HNF4G: variants seen among roughly 807,000 people sequenced by gnomAD.
HNF4G encodes the protein hepatocyte nuclear factor 4-gamma.
HNF4G carries 21 observed loss-of-function variants against 50.9 expected under a neutral mutation model. The ratio of observed to expected loss-of-function variants is 0.41; its 90% CI spans 0.29 to 0.59. The LOEUF (loss-of-function observed/expected upper bound fraction) is 0.59. Among genes scored for constraint, HNF4G ranks in the 20% least tolerant of loss-of-function variants. The pLI is 0.26. For missense variants in HNF4G, 527 were observed against 559.4 expected (o/e 0.94, Z 0.58); for synonymous variants, 198 against 185.6 (o/e 1.07, Z -0.54).
Position 75,486,363 on chromosome 8 carries a change from C to A in HNF4G, c.-143-3726C>A, listed in dbSNP as rs139226837. On this transcript the variant is annotated intron_variant, in intron 1 of 10. Transcript: ENST00000354370. ...GCTTTCTGGTTGAACCTTAGCAGTA[C>A]CTTTTGTTATATTTTAATAACCAGA... 4.6e-5 allele frequency among the ~76,000 whole-genome samples: 7 copies of A among 152,244 alleles called. No individual in the cohort carries two copies. In the East Asian group the frequency reaches 1.4e-3, roughly 29 times the overall value.
intron 1 of HNF4G, among the ~76,000 whole-genome samples, chr8:75,436,202 T>C (rs1811132635): frequency 6.6e-6 from 1 of 152,196 alleles, no homozygotes; most frequent in South Asian, 2.1e-4. Flanking sequence ...ACACTGTTTT[T>C]AAAATGACAG....
intron 2 of HNF4G, among the ~76,000 whole-genome samples, chr8:75,499,954 A>C (rs2977949): frequency 0.12 from 18,433 of 152,134 alleles, 1,529 homozygotes; most frequent in African/African-American, 0.24. Flanking sequence ...AAACATATTC[A>C]TGAGCTTGTA....
chr8:75,494,394 A>G (rs915703496), intron 2 of HNF4G, among the ~76,000 whole-genome samples: 1 of 151,964 alleles, frequency 6.6e-6, no homozygotes, highest in Non-Finnish European at 1.5e-5. Context: ...CATGTGATAG[A>G]TACGTGAAAA....
intron 1 of HNF4G, among the ~76,000 whole-genome samples, chr8:75,463,760 G>C (rs1811905907): frequency 1.4e-5 from 2 of 140,862 alleles, no homozygotes; most frequent in African/African-American, 5.3e-5. Context: ...TATTCTTTTT[G>C]TGAATATGTT....
intron 1 of HNF4G, among the ~76,000 whole-genome samples, chr8:75,444,345 T>C (rs830787): frequency 2.7e-5 from 4 of 149,714 alleles, no homozygotes; most frequent in East Asian, 2.0e-4. Context: ...TAAAGACCAT[T>C]GAGACTAGGA....
chr8:75,500,601 G>A (rs1334883146), intron 2 of HNF4G, among the ~76,000 whole-genome samples: 1 of 152,096 alleles, frequency 6.6e-6, no homozygotes, highest in African/African-American at 2.4e-5. Context: ...AAACTGAATA[G>A]TGGAAATAAT....
rs955081062 is a variant in HNF4G at position 75,531,646 on chromosome 8, A to G, written c.-23-12165A>G. Among the ~76,000 whole-genome samples, 10 of 152,218 alleles carry G rather than the reference A, an allele frequency of 6.6e-5. No individual in the cohort carries two copies. The South Asian group carries it at 1.7e-3, about 25-fold the overall frequency. ...TTCATAATCACAGATTTCACCACAG[A>G]CTGAAGATATTTTCAAAAATAAATA... On this transcript the variant is annotated intron_variant, in intron 2 of 10. Transcript: ENST00000354370.
At chr8:75,525,236 C>T (rs1806146852) in intron 2 of HNF4G, among the ~76,000 whole-genome samples, 1 of 152,120 alleles carries the variant, frequency 6.6e-6, no homozygotes, top group African/African-American at 2.4e-5. Context: ...GTGGTGTGAT[C>T]TTGGCTTACT....
chr8:75,409,015 C>T (rs962096283), intron 1 of HNF4G, among the ~76,000 whole-genome samples: 2 of 152,138 alleles, frequency 1.3e-5, no homozygotes, highest in African/African-American at 4.8e-5. Context: ...CCTTAGGAGT[C>T]CTCCTGTCCC....
chr8:75,515,102 T>C (rs1805855919), intron 2 of HNF4G, among the ~76,000 whole-genome samples: 1 of 152,226 alleles, frequency 6.6e-6, no homozygotes, highest in African/African-American at 2.4e-5. Flanking sequence ...ATGTATTGCT[T>C]TGTTTACTAG....
chr8:75,507,386 G>A (rs1047781861), intron 2 of HNF4G, among the ~76,000 whole-genome samples: 23 of 151,112 alleles, frequency 1.5e-4, no homozygotes, highest in Non-Finnish European at 2.2e-4. Context: ...ACAGCCTCCC[G>A]AGTAGCTGGG....
intron 1 of HNF4G, among the ~76,000 whole-genome samples, chr8:75,453,900 T>G (rs1042627911): frequency 6.6e-6 from 1 of 152,088 alleles, no homozygotes; most frequent in Non-Finnish European, 1.5e-5. Context: ...CTTCCCAAAT[T>G]TATATGTTAA....
intron 2 of HNF4G, among the ~76,000 whole-genome samples, chr8:75,514,262 ATCTC>A (rs1367944282): frequency 6.9e-6 from 1 of 144,936 alleles, no homozygotes; most frequent in South Asian, 2.2e-4. Flanking sequence ...ATTGACATAA[ATCTC>A]TCTTCTGTTT....
intron 1 of HNF4G, among the ~76,000 whole-genome samples, chr8:75,412,504 C>T (rs1563496090): frequency 6.6e-6 from 1 of 152,080 alleles, no homozygotes. Context: ...TAAAGGATAA[C>T]AAAAAAATTG....
chr8:75,558,758 A>G, intron 7 of HNF4G, 43 bp from the exon 8 acceptor site: 1 of 1,581,908 alleles, frequency 6.3e-7, no homozygotes, highest in Non-Finnish European at 8.7e-7. Context: ...TCACACTGTA[A>G]TTAGGTTAAA....
At position 75,434,002 on chromosome 8, in the gene HNF4G, C is replaced by CTT. The variant is rs139429237; in HGVS notation, c.-144+25859_-144+25860dup. On this transcript the variant is annotated intron_variant, in intron 1 of 10. Coordinates refer to the HNF4G transcript ENST00000354370. Reference sequence around the variant, plus strand: ...CCTTAAAATAACTTATGTTTCTTTTCTTTTTTTTTTTTTTTTTTTTGAGAC... The same window carrying CTT: ...CCTTAAAATAACTTATGTTTCTTTTCTTTTTTTTTTTTTTTTTTTTTTGAGAC... Among the ~76,000 whole-genome samples, 982 of 123,262 alleles carry CTT rather than the reference C, an allele frequency of 8.0e-3. 19 individuals carry two copies. Among genetic ancestry groups the CTT allele is most frequent in the African/African-American group, 0.027 (878 of 33,104 alleles). 80.9% of individuals were successfully genotyped at this position (123,262 alleles called of 152,430 possible).
intron 8 of HNF4G, among the ~76,000 whole-genome samples, chr8:75,560,047 G>A (rs1807261886): frequency 6.6e-6 from 1 of 152,112 alleles, no homozygotes; most frequent in Admixed American, 6.6e-5. Flanking sequence ...CTTGAGGTAA[G>A]TGATTCTTGG....
chr8:75,561,085 G>A (rs966619267), intron 9 of HNF4G, among the ~76,000 whole-genome samples: 1 of 152,078 alleles, frequency 6.6e-6, no homozygotes, highest in Non-Finnish European at 1.5e-5. Flanking sequence ...GCCCTGATGA[G>A]TTTTACTCGT....
chr8:75,440,128 T>C (rs1811243064), intron 1 of HNF4G, among the ~76,000 whole-genome samples: 1 of 152,196 alleles, frequency 6.6e-6, no homozygotes, highest in African/African-American at 2.4e-5. Context: ...CATAGCTGGT[T>C]GTTTCTAGTC....
Sources: allele counts gnomAD v4.1 joint callset (sites outside exome capture counted in the v4.1 genomes callset), GRCh38; gene constraint gnomAD v4.1.1; transcripts MANE v1.5; gene names NCBI Gene and HGNC (gene_info 2026-07-23, HGNC 2026-07-21).